SMCO2: variants seen among roughly 807,000 people sequenced by gnomAD.
SMCO2 encodes single-pass membrane protein with coiled-coil domains 2.
Under a neutral mutation model 29.5 loss-of-function variants are expected in SMCO2, and 25 were observed. That is an observed-to-expected ratio of 0.85 (90% CI 0.62 to 1.18). The LOEUF is 1.18. SMCO2 is among the 50% of genes most tolerant of loss of function. The pLI, the probability that SMCO2 is intolerant of heterozygous loss-of-function variation, is 0.00. For missense variants in SMCO2, 348 were observed against 344.5 expected (o/e 1.01, Z -0.08); for synonymous variants, 117 against 123.3 (o/e 0.95, Z 0.34).
At chr12:27,494,201 GA>G (rs1446868335) in intron 5 of SMCO2, 98 bp from the exon 7 acceptor site, 2 of 713,860 alleles carry the variant, frequency 2.8e-6, no homozygotes, top group Non-Finnish European at 4.2e-6. Flanking sequence ...AAACTTCAAT[GA>G]AGCATTTTAT....
At position 27,501,964 on chromosome 12, in the gene SMCO2, C is replaced by T. The variant is rs374498421; in HGVS notation, c.725C>T (p.Thr242Ile). 8.3e-5 allele frequency: 129 copies of T among 1,546,346 alleles called. 7 individuals are homozygous for T. In the African/African-American group the frequency reaches 1.5e-3, roughly 18 times the overall value. Reference sequence around the variant, plus strand: ...ATTTTCATCATGTTTGATGTCCTCACCGTCACTGGACTTTTATGTTACATA... The same window carrying T: ...ATTTTCATCATGTTTGATGTCCTCATCGTCACTGGACTTTTATGTTACATA... Residue 242 changes from threonine (T) to isoleucine (I), a missense_variant, in exon 8 of 8, where the codon ACC (threonine) becomes ATC (isoleucine). Thr to Ile is a moderately conservative substitution (Grantham distance 89). Transcript: ENST00000298876.
chr12:27,439,648 A>C, the SMCO2 span, among the ~76,000 whole-genome samples: 1 of 152,184 alleles, frequency 6.6e-6, no homozygotes, highest in Non-Finnish European at 1.5e-5. Flanking sequence ...AAAGACACTG[A>C]AATGATTTTT....
At chr12:27,493,000 C>A (rs1360763677) in intron 5 of SMCO2, among the ~76,000 whole-genome samples, 1 of 152,106 alleles carries the variant, frequency 6.6e-6, no homozygotes, top group African/African-American at 2.4e-5. Flanking sequence ...TACTATGCAT[C>A]CATAAAAAAG....
chr12:27,501,434 A>AAAACAAACAAAC (rs1232126417), intron 7 of SMCO2, among the ~76,000 whole-genome samples: 1 of 133,222 alleles, frequency 7.5e-6, no homozygotes, highest in African/African-American at 3.1e-5. Flanking sequence ...AAAAAAAAAA[A>AAAACAAACAAAC]AAACAAACAA....
At chr12:27,444,710 A>G in the SMCO2 span, among the ~76,000 whole-genome samples, 958 of 152,312 alleles carry the variant, frequency 6.3e-3, 11 homozygotes, top group African/African-American at 0.022. Flanking sequence ...GGACGTGGAG[A>G]AAGGGGAACC....
At chr12:27,475,850 A>T in intron 4 of SMCO2, 119 bp downstream of exon 5, 1 of 1,005,246 alleles carries the variant, frequency 9.9e-7, no homozygotes. Context: ...ACTTTCTTGG[A>T]TGAAATATCT....
At chr12:27,479,845 C>T (rs1288430442) in intron 4 of SMCO2, among the ~76,000 whole-genome samples, 1 of 152,070 alleles carries the variant, frequency 6.6e-6, no homozygotes, top group Non-Finnish European at 1.5e-5. Flanking sequence ...GACTGTGAGT[C>T]CATTAAAAAG....
the SMCO2 span, among the ~76,000 whole-genome samples, chr12:27,435,642 A>G: frequency 2.0e-5 from 3 of 148,812 alleles, no homozygotes; most frequent in African/African-American, 5.0e-5. Flanking sequence ...GTCCAAGGTT[A>G]TCACTTCACT....
the SMCO2 span, among the ~76,000 whole-genome samples, chr12:27,436,950 A>G: frequency 2.0e-5 from 3 of 152,218 alleles, no homozygotes; most frequent in Non-Finnish European, 4.4e-5. Context: ...AAAGATGACT[A>G]TGCATATCAC....
the SMCO2 span, among the ~76,000 whole-genome samples, chr12:27,446,090 G>C: frequency 1.6e-4 from 25 of 152,212 alleles, no homozygotes; most frequent in African/African-American, 5.8e-4. Context: ...TTTTAGTAGA[G>C]ATGGGGTTTC....
intron 4 of SMCO2, among the ~76,000 whole-genome samples, chr12:27,479,521 G>C (rs1949622080): frequency 6.6e-6 from 1 of 152,182 alleles, no homozygotes; most frequent in Non-Finnish European, 1.5e-5. Flanking sequence ...AGCTGCATTA[G>C]TTTATTAGGG....
intron 4 of SMCO2, 79 bp downstream of exon 4, chr12:27,474,992 A>T (rs1412083785): frequency 1.4e-6 from 2 of 1,479,356 alleles, no homozygotes; most frequent in African/African-American, 2.8e-5. Context: ...TAACTTAGGG[A>T]AAGTCTGGAA....
chr12:27,496,838 C>G (rs1322658453), intron 7 of SMCO2: 1 of 150,768 alleles, frequency 6.6e-6, no homozygotes, highest in Non-Finnish European at 1.5e-5. Flanking sequence ...TAAATTGTTT[C>G]ACATCTGTCT....
chr12:27,457,483 A>G, the SMCO2 span, among the ~76,000 whole-genome samples: 5 of 152,186 alleles, frequency 3.3e-5, no homozygotes, highest in African/African-American at 1.2e-4. Context: ...ATCATTACAT[A>G]GTCTTTTGTG....
intron 4 of SMCO2, among the ~76,000 whole-genome samples, 173 bp from the exon 6 acceptor site, chr12:27,488,283 ATTAC>A (rs1428311877): frequency 1.4e-4 from 21 of 152,068 alleles, no homozygotes; most frequent in Admixed American, 2.6e-4. Context: ...TATTATCTAG[ATTAC>A]TTAGAGTACT....
chr12:27,426,951 C>A, the SMCO2 span, among the ~76,000 whole-genome samples: 1 of 152,106 alleles, frequency 6.6e-6, no homozygotes, highest in Non-Finnish European at 1.5e-5. Context: ...GTTTCAATGA[C>A]AATTTGTTTC....
the SMCO2 span, among the ~76,000 whole-genome samples, chr12:27,435,298 CCCCCGG>C: frequency 1.1e-4 from 2 of 17,658 alleles, no homozygotes; most frequent in African/African-American, 3.6e-4. Flanking sequence ...CCCCCCCCCC[CCCCCGG>C]CAATTGTGAC....
chr12:27,464,972 T>C (rs1187584656), upstream of SMCO2, among the ~76,000 whole-genome samples: 1 of 132,282 alleles, frequency 7.6e-6, no homozygotes, highest in Non-Finnish European at 1.5e-5. Flanking sequence ...GAGCTTGCAG[T>C]GAGCCGAGAT....
chr12:27,441,903 CAA>C, the SMCO2 span, among the ~76,000 whole-genome samples: 1 of 152,162 alleles, frequency 6.6e-6, no homozygotes, highest in African/African-American at 2.4e-5. Context: ...AGATCAATAA[CAA>C]GAGCAACCTT....
Sources: gnomAD v4.1 joint callset for allele counts (sites outside exome capture counted in the v4.1 genomes callset) on GRCh38, gnomAD v4.1.1 for gene constraint, MANE v1.5 for transcripts, NCBI Gene and HGNC (gene_info 2026-07-23, HGNC 2026-07-21) for gene names.